The following B3GLCT variants were observed in gnomAD, a reference collection of about 807,000 sequenced individuals.
B3GLCT encodes beta 3-glucosyltransferase.
B3GLCT carries 65 observed loss-of-function variants against 63.4 expected under a neutral mutation model. The observed-to-expected ratio is 1.03, with a 90% confidence interval of 0.84 to 1.26. The LOEUF (loss-of-function observed/expected upper bound fraction) is 1.26. Among genes scored for constraint, B3GLCT ranks in the 50% most tolerant of loss-of-function variants. The probability of loss-of-function intolerance (pLI) is 0.00; values close to 1 mark genes in which losing one functional copy is unlikely to be tolerated. For synonymous variants in B3GLCT, 233 were observed against 219.2 expected (o/e 1.06, Z -0.55); for missense variants, 577 against 604.8 (o/e 0.95, Z 0.48).
At chr13:31,206,851 G>A (rs9540737) in intron 1 of B3GLCT, among the ~76,000 whole-genome samples, 32,830 of 152,088 alleles carry the variant, frequency 0.22, 3,797 homozygotes, top group Non-Finnish European at 0.23. Flanking sequence ...GGTCTTTTGT[G>A]TACTTGGGAA....
Position 31,317,664 on chromosome 13 carries a change from G to A in B3GLCT, c.1163G>A (p.Ser388Asn), listed in dbSNP as rs1208093045. ...YGYGLGTGGY[S>N]YITGGGGMVF... ...TACGGCCTGGGCACTGGTGGCTACA[G>A]CTACATCACGGGAGGAGGAGGGTAA... The change falls in exon 13 of 15, where the codon AGC becomes AAC. Residue 388 changes from serine to asparagine, a missense_variant. Transcript: ENST00000343307. The A allele has an allele frequency of 6.2e-6, 10 of 1,614,074 alleles. No individual in the cohort carries two copies. The highest frequency in any genetic ancestry group is 7.6e-6 in the Non-Finnish European group (9 of 1,179,984).
intron 10 of B3GLCT, among the ~76,000 whole-genome samples, chr13:31,277,164 G>A (rs1216665993): frequency 1.3e-5 from 2 of 151,882 alleles, no homozygotes; most frequent in Non-Finnish European, 2.9e-5. Context: ...TGCCAACAAA[G>A]AAAAAAGACT....
At chr13:31,314,098 G>A (rs766817255) in intron 12 of B3GLCT, among the ~76,000 whole-genome samples, 7 of 152,188 alleles carry the variant, frequency 4.6e-5, no homozygotes, top group African/African-American at 1.7e-4. Flanking sequence ...TTCAGAAGAT[G>A]TATGGAAATG....
At chr13:31,294,456 G>A (rs554269549) in intron 12 of B3GLCT, among the ~76,000 whole-genome samples, 1 of 152,184 alleles carries the variant, frequency 6.6e-6, no homozygotes, top group Admixed American at 6.5e-5. Flanking sequence ...GCAATCAAAC[G>A]TAGATTTGGT....
At chr13:31,213,991 A>G (rs1869426836) in intron 1 of B3GLCT, among the ~76,000 whole-genome samples, 2 of 151,610 alleles carry the variant, frequency 1.3e-5, no homozygotes, top group South Asian at 4.2e-4. Flanking sequence ...CTTTCTTTTG[A>G]GCAAATGTTA....
At chr13:31,273,674 C>T (rs914735911) in intron 8 of B3GLCT, among the ~76,000 whole-genome samples, 1 of 151,860 alleles carries the variant, frequency 6.6e-6, no homozygotes, top group African/African-American at 2.4e-5. Context: ...TCCTCTGAGC[C>T]GTATATTAAA....
At chr13:31,228,956 G>C (rs1267761718) in intron 3 of B3GLCT, among the ~76,000 whole-genome samples, 2 of 152,122 alleles carry the variant, frequency 1.3e-5, no homozygotes, top group African/African-American at 4.8e-5. Context: ...CCATAGACTG[G>C]GTCTGGTACA....
chr13:31,289,579 C>G (rs1418340376), intron 12 of B3GLCT, among the ~76,000 whole-genome samples: 1 of 151,250 alleles, frequency 6.6e-6, no homozygotes, highest in African/African-American at 2.4e-5. Flanking sequence ...ACCTTATAGG[C>G]CAAAGAGAAT....
intron 4 of B3GLCT, among the ~76,000 whole-genome samples, chr13:31,240,952 T>C (rs1339150557): frequency 2.6e-5 from 4 of 152,158 alleles, no homozygotes; most frequent in Non-Finnish European, 5.9e-5. Context: ...TTATACACAT[T>C]CTCTCACTTA....
At chr13:31,253,461 C>T (rs917811062) in intron 6 of B3GLCT, among the ~76,000 whole-genome samples, 3 of 151,482 alleles carry the variant, frequency 2.0e-5, no homozygotes, top group African/African-American at 4.9e-5. Flanking sequence ...GGCGTGGTGG[C>T]GGGTGCCTGT....
chr13:31,274,902 G>A (rs1248125312), intron 9 of B3GLCT, among the ~76,000 whole-genome samples: 1 of 152,098 alleles, frequency 6.6e-6, no homozygotes, highest in Non-Finnish European at 1.5e-5. Context: ...CTATTTTTAT[G>A]TTTGTGTGTA....
chr13:31,317,081 C>T (rs761967757), intron 12 of B3GLCT, among the ~76,000 whole-genome samples: 2 of 152,364 alleles, frequency 1.3e-5, no homozygotes, highest in East Asian at 3.9e-4. Context: ...CTCTTCCCCA[C>T]CTGCCAGCCA....
chr13:31,235,302 T>C (rs940658850), intron 4 of B3GLCT, among the ~76,000 whole-genome samples: 1 of 152,030 alleles, frequency 6.6e-6, no homozygotes, highest in Non-Finnish European at 1.5e-5. Flanking sequence ...TGTTTTACGC[T>C]CAGGAGAAAG....
At chr13:31,319,868 T>C (rs919550593) in intron 13 of B3GLCT, among the ~76,000 whole-genome samples, 3 of 152,226 alleles carry the variant, frequency 2.0e-5, no homozygotes, top group African/African-American at 7.2e-5. Context: ...AGGGAAAACA[T>C]TGGCATATAT....
intron 1 of B3GLCT, among the ~76,000 whole-genome samples, chr13:31,213,059 T>C (rs1869359602): frequency 6.6e-6 from 1 of 152,168 alleles, no homozygotes; most frequent in African/African-American, 2.4e-5. Flanking sequence ...TGTGTGTGTA[T>C]GTGTGTGTAA....
intron 2 of B3GLCT, among the ~76,000 whole-genome samples, chr13:31,217,584 A>G (rs1869620801): frequency 2.6e-5 from 4 of 152,146 alleles, no homozygotes. Context: ...TTTTACATGT[A>G]AGTCTTTAAT....
intron 7 of B3GLCT, among the ~76,000 whole-genome samples, chr13:31,264,505 A>G (rs76824257): frequency 0.01 from 1,544 of 152,298 alleles, 23 homozygotes; most frequent in African/African-American, 0.035. Context: ...ATAAATATGC[A>G]GACTCTACCA....
intron 6 of B3GLCT, among the ~76,000 whole-genome samples, chr13:31,256,351 A>G (rs1871738481): frequency 6.6e-6 from 1 of 152,206 alleles, no homozygotes; most frequent in African/African-American, 2.4e-5. Context: ...TAGTTCAACC[A>G]TTGTGGAAGA....
At chr13:31,270,931 G>C (rs1166977218) in intron 8 of B3GLCT, among the ~76,000 whole-genome samples, 2 of 151,728 alleles carry the variant, frequency 1.3e-5, no homozygotes, top group Non-Finnish European at 2.9e-5. Flanking sequence ...AAAGCTCTCA[G>C]CAAAGAGAGG....
Sources: allele counts gnomAD v4.1 joint callset (sites outside exome capture counted in the v4.1 genomes callset), GRCh38; gene constraint gnomAD v4.1.1; transcripts MANE v1.5; gene names NCBI Gene and HGNC (gene_info 2026-07-23, HGNC 2026-07-21).